Variants in SLC10A1 observed in about 807,000 individuals in gnomAD.
SLC10A1 encodes the protein solute carrier family 10 member 1.
In SLC10A1, 36 loss-of-function variants were observed where a neutral mutation model predicts 20.5. That is an observed-to-expected ratio of 1.75 (90% CI 1.34 to 2.32). The LOEUF is 2.32. SLC10A1 is among the 30% of genes most tolerant of loss of function. SLC10A1 has a pLI of 0.00. For missense variants in SLC10A1, 545 were observed against 439.1 expected (o/e 1.24, Z -2.16); for synonymous variants, 188 against 163.6 (o/e 1.15, Z -1.14).
intron 4 of SLC10A1, among the ~76,000 whole-genome samples, chr14:69,777,989 G>A (rs1429144365): frequency 3.3e-5 from 5 of 152,172 alleles, no homozygotes; most frequent in Middle Eastern, 3.4e-3. Context: ...CAACTCTTGC[G>A]AATAGAGGCC....
intron 4 of SLC10A1, 111 bp from the exon 5 acceptor site, chr14:69,776,499 A>G (rs1015178146): frequency 1.3e-6 from 1 of 778,750 alleles, no homozygotes; most frequent in Non-Finnish European, 2.1e-6. Flanking sequence ...AGAGTGTGCT[A>G]AGTATATATT....
chr14:69,779,924 T>C (rs556469205), intron 2 of SLC10A1, among the ~76,000 whole-genome samples: 10 of 152,350 alleles, frequency 6.6e-5, no homozygotes, highest in African/African-American at 2.4e-4. Context: ...TGAGAACTTG[T>C]CATACATATT....
In SLC10A1 at chr14:69,775,657, C is replaced by G. The variant is rs1180263323; in HGVS notation, c.*625G>C. On this transcript the variant is annotated 3_prime_UTR_variant, in exon 5 of 5. Coordinates refer to ENST00000216540, the MANE Select transcript of SLC10A1 (RefSeq NM_003049.4). Reference sequence around the variant, plus strand: ...TGGTTTTTCCTTGTCAAAAGTTTTCCTCCTCTACTAACATGATGCATTCGC... The same window carrying G: ...TGGTTTTTCCTTGTCAAAAGTTTTCGTCCTCTACTAACATGATGCATTCGC... 2.6e-5 allele frequency: 4 copies of G among 152,062 alleles called. No individual in the cohort carries two copies. In the South Asian group the frequency reaches 8.3e-4, roughly 31 times the overall value. The allele number at this position is 152,062 out of a possible 1,614,324, so 9.4% of individuals were successfully genotyped here.
intron 1 of SLC10A1, among the ~76,000 whole-genome samples, chr14:69,789,366 TATTC>T (rs1210503951): frequency 6.6e-6 from 1 of 152,216 alleles, no homozygotes; most frequent in African/African-American, 2.4e-5. Context: ...AATGGGATAT[TATTC>T]AATTACAAAA....
Position 69,779,171 on chromosome 14 carries a change from A to AG in SLC10A1, c.746+10_746+11insC. On this transcript the variant is annotated intron_variant, in intron 3 of 4. Coordinates refer to ENST00000216540, the MANE Select transcript of SLC10A1 (RefSeq NM_003049.4). ...GTGAGACCCTTTCTTAAAAAAAAAAAAAATACCTACCGTCCATTGAGGCAG... is the reference window on the plus strand; with the variant it reads ...GTGAGACCCTTTCTTAAAAAAAAAAAGAAATACCTACCGTCCATTGAGGCAG... 2 of 1,570,344 alleles carry AG rather than the reference A, an allele frequency of 1.3e-6. No homozygotes were observed.
intron 2 of SLC10A1, among the ~76,000 whole-genome samples, chr14:69,782,093 T>C (rs1225063017): frequency 1.3e-5 from 2 of 152,176 alleles, no homozygotes; most frequent in Admixed American, 1.3e-4. Flanking sequence ...AACCTTAGCT[T>C]TTGCAGCTTG....
At chr14:69,792,626 T>G (rs1310150525) in intron 1 of SLC10A1, among the ~76,000 whole-genome samples, 1 of 152,172 alleles carries the variant, frequency 6.6e-6, no homozygotes, top group African/African-American at 2.4e-5. Context: ...CTTGGAGACC[T>G]CTTAAAGATG....
chr14:69,778,557 C>T lies in SLC10A1; in HGVS notation c.747-28G>A, dbSNP rs199566799. 191 of 1,558,372 alleles carry T rather than the reference C, an allele frequency of 1.2e-4. No individual in the cohort carries two copies. In the Admixed American group the frequency reaches 3.6e-3, roughly 29 times the overall value. ...GTGCCGGTGAAGAAAACCCCACATACACTCAGAGGGAACTGGAGGGAGCAA... is the reference window on the plus strand; with the variant it reads ...GTGCCGGTGAAGAAAACCCCACATATACTCAGAGGGAACTGGAGGGAGCAA... On this transcript the variant is annotated intron_variant, in intron 3 of 4. Transcript: ENST00000216540.
intron 1 of SLC10A1, among the ~76,000 whole-genome samples, chr14:69,794,307 AC>A (rs1270051475): frequency 6.6e-6 from 1 of 152,130 alleles, no homozygotes; most frequent in Non-Finnish European, 1.5e-5. Flanking sequence ...CCCACACAAT[AC>A]TTGCTGCTGA....
intron 1 of SLC10A1, among the ~76,000 whole-genome samples, chr14:69,787,097 A>G (rs1312384570): frequency 6.6e-6 from 1 of 152,188 alleles, no homozygotes; most frequent in Non-Finnish European, 1.5e-5. Context: ...ACCTGGTCAG[A>G]TTTGCTTTGC....
intron 4 of SLC10A1, among the ~76,000 whole-genome samples, chr14:69,777,294 GT>G (rs1478890475): frequency 6.6e-6 from 1 of 152,168 alleles, no homozygotes; most frequent in Non-Finnish European, 1.5e-5. Flanking sequence ...GCCTGTACTT[GT>G]TTCGTGTTGG....
chr14:69,779,038 A>G (rs1043163765), intron 3 of SLC10A1, 144 bp downstream of exon 3: 7 of 607,412 alleles, frequency 1.2e-5, no homozygotes, highest in Admixed American at 9.1e-5. Context: ...GCTTGTGCCT[A>G]TAGTCCCAGT....
rs182251148 is a variant in SLC10A1 at position 69,786,576 on chromosome 14, C to A, written c.357-269G>T. Among the ~76,000 whole-genome samples the A allele has an allele frequency of 2.3e-3, 351 of 152,224 alleles. 3 individuals carry two copies. The highest frequency in any genetic ancestry group is 7.8e-3 in the African/African-American group (325 of 41,532). On this transcript the variant is annotated intron_variant, in intron 1 of 4. Transcript: ENST00000216540. The stretch of plus-strand genomic sequence containing the variant: ...TTAGGGTGGTTCAACTGCTTCAATC[C>A]CTGTGTGCTTCATTGTGGAAGGAGC...
At chr14:69,792,164 A>G (rs554724576) in intron 1 of SLC10A1, among the ~76,000 whole-genome samples, 75 of 152,218 alleles carry the variant, frequency 4.9e-4, no homozygotes, top group Non-Finnish European at 8.1e-4. Context: ...CATGTTGGAC[A>G]GGCTTGTAGA....
chr14:69,791,803 T>G (rs894815758), intron 1 of SLC10A1, among the ~76,000 whole-genome samples: 1 of 152,204 alleles, frequency 6.6e-6, no homozygotes, highest in Non-Finnish European at 1.5e-5. Flanking sequence ...TGGCTTGGAA[T>G]CTTCTATTTG....
rs201184437 is a variant in SLC10A1, at chr14:69,776,218, C to T, written c.*64G>A. 4.1e-6 allele frequency: 5 copies of T among 1,206,774 alleles called. No homozygotes were observed. Among genetic ancestry groups the T allele is most frequent in the African/African-American group, 1.5e-5 (1 of 66,208 alleles). The allele number at this position is 1,206,774 out of a possible 1,614,324, so 74.8% of individuals were successfully genotyped here. On this transcript the variant is annotated 3_prime_UTR_variant, in exon 5 of 5. Coordinates refer to ENST00000216540, the MANE Select transcript of SLC10A1 (RefSeq NM_003049.4). ...AAGACTGGTGTTTTTGCTGCTCTCT[C>T]TAGTTTACCACACTGGCTTTCAGAA...
chr14:69,787,129 C>G (rs1883736256), intron 1 of SLC10A1, among the ~76,000 whole-genome samples: 2 of 152,074 alleles, frequency 1.3e-5, no homozygotes, highest in Admixed American at 6.5e-5. Context: ...TATTCCAGTC[C>G]CCAACTCTGG....
At chr14:69,777,578 G>GTTTTTTTTTTTT (rs4646293) in intron 4 of SLC10A1, among the ~76,000 whole-genome samples, 4 of 72,446 alleles carry the variant, frequency 5.5e-5, no homozygotes, top group African/African-American at 2.1e-4. Flanking sequence ...TGAATGTCCT[G>GTTTTTTTTTTTT]TTTTTTTTTT....
intron 2 of SLC10A1, among the ~76,000 whole-genome samples, chr14:69,781,310 C>G (rs1295834789): frequency 6.6e-6 from 1 of 152,240 alleles, no homozygotes; most frequent in Non-Finnish European, 1.5e-5. Flanking sequence ...TCTCCATAGG[C>G]TACCACATTT....
Sources: gnomAD v4.1 joint callset for allele counts (sites outside exome capture counted in the v4.1 genomes callset) on GRCh38, gnomAD v4.1.1 for gene constraint, MANE v1.5 for transcripts, NCBI Gene and HGNC (gene_info 2026-07-23, HGNC 2026-07-21) for gene names.